KSR2: variants seen among roughly 807,000 people sequenced by gnomAD.
KSR2 encodes the protein kinase suppressor of ras 2.
Under a neutral mutation model 107.8 loss-of-function variants are expected in KSR2, and 25 were observed. That is an observed-to-expected ratio of 0.23 (90% CI 0.17 to 0.32). The LOEUF (loss-of-function observed/expected upper bound fraction) is 0.32. Among genes scored for constraint, KSR2 ranks in the 10% least tolerant of loss-of-function variants. The pLI is 1.00. For missense variants in KSR2, 887 were observed against 1,268.9 expected, an observed-to-expected ratio of 0.70 and a Z score of 4.57; for synonymous variants, 480 against 507.0, an observed-to-expected ratio of 0.95 and a Z score of 0.71.
intron 3 of KSR2, among the ~76,000 whole-genome samples, chr12:117,802,485 T>C (rs1239302254): frequency 1.3e-5 from 2 of 152,134 alleles, no homozygotes; most frequent in African/African-American, 4.8e-5. Context: ...TGGGCATCTT[T>C]GGGGAAAGGG....
intron 3 of KSR2, among the ~76,000 whole-genome samples, chr12:117,780,009 C>G (rs1408028585): frequency 6.6e-6 from 1 of 152,146 alleles, no homozygotes; most frequent in Non-Finnish European, 1.5e-5. Context: ...TCCATCCACA[C>G]AGAATTCACA....
In KSR2 at chr12:117,457,698, CA is replaced by C. The variant is rs1253381175; in HGVS notation, c.*9500del. On this transcript the variant is annotated 3_prime_UTR_variant, in exon 20 of 20. Coordinates refer to ENST00000339824, the MANE Select transcript of KSR2 (RefSeq NM_173598.6). The stretch of plus-strand genomic sequence containing the variant: ...TGTGTCTGGGGATGTTTTTGGATGT[CA>C]CCAGTACCAGGTGCTACTGGTATCT... The C allele has an allele frequency of 6.6e-6, 1 of 152,182 alleles. No individual in the cohort carries two copies. The highest frequency in any genetic ancestry group is 6.5e-5 in the Admixed American group (1 of 15,272). 9.4% of individuals were successfully genotyped at this position (152,182 alleles called of 1,614,324 possible). A position where few individuals can be genotyped will look rare whatever the true frequency, so the allele number is the denominator to read the frequency against.
At chr12:117,730,186 G>A (rs959947944) in intron 4 of KSR2, among the ~76,000 whole-genome samples, 1 of 152,152 alleles carries the variant, frequency 6.6e-6, no homozygotes, top group African/African-American at 2.4e-5. Context: ...TTGGGCCTCA[G>A]GTGGTAGGGT....
intron 1 of KSR2, among the ~76,000 whole-genome samples, chr12:117,861,671 A>C (rs1893300731): frequency 6.6e-6 from 1 of 151,992 alleles, no homozygotes; most frequent in South Asian, 2.1e-4. Flanking sequence ...TACAGGCATG[A>C]GCCACCGCGC....
In KSR2 at chr12:117,941,320, A is replaced by C. The variant is rs1428225444; in HGVS notation, c.180+26756T>G. Among the ~76,000 whole-genome samples the C allele has an allele frequency of 3.3e-5, 5 of 151,864 alleles. No homozygotes were observed. The East Asian group carries it at 9.7e-4, about 29-fold the overall frequency. On this transcript the variant is annotated intron_variant, in intron 1 of 19. Coordinates refer to ENST00000339824, the MANE Select transcript of KSR2 (RefSeq NM_173598.6). ...CCAGAATCACTGTGTGACCCCCTAG[A>C]AATCAAGCAGCCTCATCCATAAAAC...
intron 3 of KSR2, among the ~76,000 whole-genome samples, chr12:117,798,716 A>T (rs1246750727): frequency 0.069 from 5,915 of 85,204 alleles, 418 homozygotes; most frequent in East Asian, 0.3. Flanking sequence ...GTCCAAAAAA[A>T]AAAAATATAT....
chr12:117,877,174 TA>T (rs1321430171), intron 1 of KSR2, among the ~76,000 whole-genome samples: 1 of 152,064 alleles, frequency 6.6e-6, no homozygotes, highest in Admixed American at 6.6e-5. Context: ...CTGTCTCTAC[TA>T]AAAATACAAA....
intron 5 of KSR2, among the ~76,000 whole-genome samples, chr12:117,589,930 T>A (rs1361034243): frequency 6.6e-6 from 1 of 152,168 alleles, no homozygotes; most frequent in African/African-American, 2.4e-5. Flanking sequence ...CTATGGAGGC[T>A]TCCCTGGAAT....
At chr12:117,836,521 C>T (rs969227219) in intron 3 of KSR2, among the ~76,000 whole-genome samples, 1 of 152,152 alleles carries the variant, frequency 6.6e-6, no homozygotes, top group African/African-American at 2.4e-5. Flanking sequence ...TTAAACATCA[C>T]AACACTAAAA....
At chr12:117,817,375 C>T (rs186646166) in intron 3 of KSR2, among the ~76,000 whole-genome samples, 3 of 152,070 alleles carry the variant, frequency 2.0e-5, no homozygotes, top group Admixed American at 1.3e-4. Flanking sequence ...TCTCAATAAC[C>T]GCCCCCCACC....
rs1396095417 is a variant in KSR2 at position 117,453,038 on chromosome 12, C to T, written c.*14161G>A. The T allele has an allele frequency of 1.3e-5, 2 of 152,580 alleles. No individual in the cohort carries two copies. The highest frequency in any genetic ancestry group is 2.4e-5 in the African/African-American group (1 of 41,424). The allele number at this position is 152,580 out of a possible 1,614,324, so 9.5% of individuals were successfully genotyped here. A position where few individuals can be genotyped will look rare whatever the true frequency, so the allele number is the denominator to read the frequency against. On this transcript the variant is annotated 3_prime_UTR_variant, in exon 20 of 20. Coordinates refer to ENST00000339824, the MANE Select transcript of KSR2 (RefSeq NM_173598.6). ...ACAATAGAATTCAGACCTGTCTTGG[C>T]AGTAGTGCAATGCAGTAATTCTCAA... is the stretch of plus-strand genomic sequence containing the variant.
chr12:117,550,500 C>G (rs907878937), intron 9 of KSR2, among the ~76,000 whole-genome samples: 2 of 152,184 alleles, frequency 1.3e-5, no homozygotes, highest in African/African-American at 4.8e-5. Flanking sequence ...ACTCCCAACA[C>G]AGGATCATAG....
At chr12:117,940,483 C>A (rs1895974414) in intron 1 of KSR2, among the ~76,000 whole-genome samples, 1 of 152,182 alleles carries the variant, frequency 6.6e-6, no homozygotes, top group Non-Finnish European at 1.5e-5. Context: ...ACGCCATCAG[C>A]CTTATTTTCA....
At chr12:117,931,181 T>C (rs1371521919) in intron 1 of KSR2, among the ~76,000 whole-genome samples, 3 of 151,776 alleles carry the variant, frequency 2.0e-5, no homozygotes, top group African/African-American at 7.3e-5. Context: ...GCTTGAAAAA[T>C]ATTTTCATTT....
chr12:117,684,847 C>T (rs904689663), intron 4 of KSR2, among the ~76,000 whole-genome samples: 2 of 152,164 alleles, frequency 1.3e-5, no homozygotes, highest in African/African-American at 4.8e-5. Context: ...AGTGTGATGG[C>T]AGTTCTGGCG....
intron 3 of KSR2, among the ~76,000 whole-genome samples, chr12:117,771,905 C>T (rs1230505593): frequency 2.0e-5 from 3 of 151,458 alleles, no homozygotes; most frequent in African/African-American, 7.3e-5. Context: ...GTCACACATA[C>T]ATACCATTCC....
chr12:117,772,401 AAC>A (rs1177937638), intron 3 of KSR2, among the ~76,000 whole-genome samples: 2 of 59,336 alleles, frequency 3.4e-5, no homozygotes, highest in Non-Finnish European at 5.9e-5. Context: ...AAGACGCACA[AAC>A]ACACACTCAT....
At chr12:117,760,617 C>A (rs1888967798) in intron 4 of KSR2, among the ~76,000 whole-genome samples, 1 of 152,134 alleles carries the variant, frequency 6.6e-6, no homozygotes, top group South Asian at 2.1e-4. Flanking sequence ...CAGGGGTTGG[C>A]AAACGTTTTC....
At chr12:117,748,397 A>G (rs557470144) in intron 4 of KSR2, among the ~76,000 whole-genome samples, 1 of 152,308 alleles carries the variant, frequency 6.6e-6, no homozygotes, top group South Asian at 2.1e-4. Context: ...ACTTTAGTTA[A>G]TAATAATATA....
Sources: allele counts gnomAD v4.1 joint callset (sites outside exome capture counted in the v4.1 genomes callset), GRCh38; gene constraint gnomAD v4.1.1; transcripts MANE v1.5; gene names NCBI Gene and HGNC (gene_info 2026-07-23, HGNC 2026-07-21).